Variants in RNF111 observed in about 807,000 individuals in gnomAD.
RNF111 encodes E3 ubiquitin-protein ligase Arkadia.
Under a neutral mutation model 95.1 loss-of-function variants are expected in RNF111, and 17 were observed. That is an observed-to-expected ratio of 0.18 (90% CI 0.12 to 0.27). The LOEUF (loss-of-function observed/expected upper bound fraction) is 0.27. Among genes scored for constraint, RNF111 ranks in the 10% least tolerant of loss-of-function variants. The pLI is 1.00. For synonymous variants in RNF111, 440 were observed against 414.8 expected (o/e 1.06, Z -0.74); for missense variants, 1,189 against 1,210.4 (o/e 0.98, Z 0.26).
chr15:59,025,081 G>C (rs1247319619), intron 1 of RNF111, among the ~76,000 whole-genome samples: 2 of 152,206 alleles, frequency 1.3e-5, no homozygotes, highest in African/African-American at 4.8e-5. Flanking sequence ...GTGGACACTT[G>C]AGATGCTTCC....
At chr15:58,988,133 C>G (rs1273748643) in intron 1 of RNF111, 65 bp downstream of exon 1, 3 of 149,972 alleles carry the variant, frequency 2.0e-5, no homozygotes, top group African/African-American at 7.4e-5. Flanking sequence ...GGGGAGGGGC[C>G]GGCCTGGAGG....
chr15:59,087,768 G>A (rs1315063576), intron 10 of RNF111, among the ~76,000 whole-genome samples: 2 of 152,146 alleles, frequency 1.3e-5, no homozygotes, highest in African/African-American at 4.8e-5. Context: ...CTACATGTAA[G>A]CAGACCCATG....
At chr15:58,997,615 G>A (rs533947102) in intron 1 of RNF111, among the ~76,000 whole-genome samples, 6 of 151,416 alleles carry the variant, frequency 4.0e-5, no homozygotes, top group African/African-American at 1.2e-4. Flanking sequence ...TCAAGAGATC[G>A]AGACCATCCT....
Position 59,095,609 on chromosome 15 carries a change from A to G in RNF111, c.*709A>G, listed in dbSNP as rs1566951516. 6.2e-6 allele frequency: 1 copy of G among 160,080 alleles called. No individual in the cohort carries two copies. The highest frequency in any genetic ancestry group is 1.4e-5 in the Non-Finnish European group (1 of 73,362). The allele number at this position is 160,080 out of a possible 1,614,324, so 9.9% of individuals were successfully genotyped here. A position where few individuals can be genotyped will look rare whatever the true frequency, so the allele number is the denominator to read the frequency against. ...ACATTTAGACTGCTGTTCTGATTGC[A>G]TTTATCTTTTTCCTACATCATTTAG... On this transcript the variant is annotated 3_prime_UTR_variant, in exon 14 of 14. Coordinates refer to ENST00000348370, the MANE Select transcript of RNF111 (RefSeq NM_017610.8).
intron 1 of RNF111, among the ~76,000 whole-genome samples, chr15:58,994,431 C>T (rs1415017804): frequency 6.6e-6 from 1 of 151,016 alleles, no homozygotes; most frequent in African/African-American, 2.4e-5. Flanking sequence ...TCAGATTCAC[C>T]AATTTTTAAT....
At chr15:59,022,354 T>A (rs1254567813) in intron 1 of RNF111, among the ~76,000 whole-genome samples, 4 of 152,224 alleles carry the variant, frequency 2.6e-5, no homozygotes, top group Admixed American at 2.6e-4. Context: ...AAAGTCTGTC[T>A]AAATGTAAGG....
chr15:59,069,900 G>T (rs1269082333), intron 6 of RNF111, among the ~76,000 whole-genome samples: 1 of 151,698 alleles, frequency 6.6e-6, no homozygotes, highest in Non-Finnish European at 1.5e-5. Flanking sequence ...ATAAAAATTA[G>T]ACTGGCATAC....
chr15:59,025,931 T>C (rs954868594), intron 1 of RNF111, among the ~76,000 whole-genome samples: 2 of 152,088 alleles, frequency 1.3e-5, no homozygotes, highest in Admixed American at 1.3e-4. Context: ...GTTTTTTCCA[T>C]GTTGGTCAGG....
In RNF111 at chr15:59,071,836, G is replaced by C. The variant is rs12912440; in HGVS notation, c.1687-4118G>C. The stretch of plus-strand genomic sequence containing the variant: ...ACAAGCATACCTTGGAGATACTGCA[G>C]GTTTGGTTCCAGACAACCACAATAA... On this transcript the variant is annotated intron_variant, in intron 6 of 13. Transcript: ENST00000348370. Among the ~76,000 whole-genome samples, 1,192 of 152,240 alleles carry C rather than the reference G, an allele frequency of 7.8e-3. 9 individuals carry two copies. Among genetic ancestry groups the C allele is most frequent in the Non-Finnish European group, 0.013 (881 of 68,016 alleles).
At chr15:58,993,557 T>C (rs1473894870) in intron 1 of RNF111, among the ~76,000 whole-genome samples, 2 of 152,132 alleles carry the variant, frequency 1.3e-5, no homozygotes, top group Non-Finnish European at 2.9e-5. Flanking sequence ...GAAAGTACCA[T>C]ATTTAAGTGT....
At chr15:59,062,600 T>G (rs2042488658) in intron 5 of RNF111, among the ~76,000 whole-genome samples, 1 of 152,244 alleles carries the variant, frequency 6.6e-6, no homozygotes, top group African/African-American at 2.4e-5. Context: ...TACCCTCTAG[T>G]GGATAGCAAT....
rs2041588052 is a variant in RNF111 at position 59,043,961 on chromosome 15, T to A, written c.881-8344T>A. On this transcript the variant is annotated intron_variant, in intron 2 of 13. Transcript: ENST00000348370. Reference sequence around the variant, plus strand: ...CTTAAACTTTCTAAGCTTCAGTTTCTTGATGAGGCTAGACATGCATAATAC... The same window carrying A: ...CTTAAACTTTCTAAGCTTCAGTTTCATGATGAGGCTAGACATGCATAATAC... 2.0e-5 allele frequency among the ~76,000 whole-genome samples: 3 copies of A among 152,230 alleles called. No homozygotes were observed. In the South Asian group the frequency reaches 6.2e-4, roughly 31 times the overall value.
intron 1 of RNF111, among the ~76,000 whole-genome samples, chr15:58,999,054 G>T (rs2039213642): frequency 6.6e-6 from 1 of 152,096 alleles, no homozygotes; most frequent in South Asian, 2.1e-4. Context: ...AAGTTTTGGG[G>T]TAGTATCAAA....
chr15:59,033,900 T>G (rs1314122827), intron 2 of RNF111, among the ~76,000 whole-genome samples: 2 of 152,230 alleles, frequency 1.3e-5, no homozygotes, highest in African/African-American at 4.8e-5. Flanking sequence ...ATTCAATGTT[T>G]TCTGGTTTCT....
chr15:59,066,133 G>A (rs576406504), intron 5 of RNF111, among the ~76,000 whole-genome samples: 6 of 152,174 alleles, frequency 3.9e-5, no homozygotes, highest in Admixed American at 2.6e-4. Flanking sequence ...GGAAGGACTC[G>A]TATTTTTAAA....
intron 1 of RNF111, among the ~76,000 whole-genome samples, chr15:58,991,006 T>G (rs1221964490): frequency 6.6e-6 from 1 of 151,776 alleles, no homozygotes; most frequent in East Asian, 1.9e-4. Flanking sequence ...AGACAAATAC[T>G]TAGCTGAGGC....
chr15:59,049,401 C>A, intron 2 of RNF111: 2 of 157,038 alleles, frequency 1.3e-5, no homozygotes, highest in Admixed American at 6.4e-5. Context: ...ACCTAGTATG[C>A]CATGAATTCA....
Position 59,053,996 on chromosome 15 carries a change from C to A in RNF111, c.1007+1565C>A, listed in dbSNP as rs145643424. Among the ~76,000 whole-genome samples the A allele has an allele frequency of 1.3e-5, 2 of 152,100 alleles. 1 individual carries two copies. The highest frequency in any genetic ancestry group is 4.1e-4 in the South Asian group (2 of 4,822). ...TGTCACCCAGGCTGGAGGGCAGTGG[C>A]GCCATCTTGGCTCACCGCAGCCTCC... On this transcript the variant is annotated intron_variant, in intron 3 of 13. Coordinates refer to ENST00000348370, the MANE Select transcript of RNF111 (RefSeq NM_017610.8).
chr15:59,059,671 T>G (rs2042351048), intron 5 of RNF111, among the ~76,000 whole-genome samples: 1 of 151,830 alleles, frequency 6.6e-6, no homozygotes, highest in African/African-American at 2.4e-5. Context: ...TTCTTTAGTT[T>G]TAGCTCTTAT....
Sources: gnomAD v4.1 joint callset for allele counts (sites outside exome capture counted in the v4.1 genomes callset) on GRCh38, gnomAD v4.1.1 for gene constraint, MANE v1.5 for transcripts, NCBI Gene and HGNC (gene_info 2026-07-23, HGNC 2026-07-21) for gene names.